Variants in KIF6 observed in about 807,000 individuals in gnomAD.
The protein encoded by KIF6 is kinesin-like protein KIF6.
KIF6 carries 106 observed loss-of-function variants against 112.7 expected under a neutral mutation model. That is an observed-to-expected ratio of 0.94 (90% confidence interval 0.80 to 1.11). The LOEUF is 1.11. KIF6 is among the 50% of genes least tolerant of loss of function. KIF6 has a pLI of 0.00. For missense variants in KIF6, 929 were observed against 964.0 expected, an observed-to-expected ratio of 0.96 and a Z score of 0.48; for synonymous variants, 339 against 339.9, an observed-to-expected ratio of 1.00 and a Z score of 0.03.
At chr6:39,612,514 T>C (rs1783271226) in intron 6 of KIF6, among the ~76,000 whole-genome samples, 1 of 152,208 alleles carries the variant, frequency 6.6e-6, no homozygotes, top group Non-Finnish European at 1.5e-5. Flanking sequence ...TCCTAGCTCC[T>C]ATATAGAATT....
chr6:39,573,321 T>C (rs925176149), intron 10 of KIF6, among the ~76,000 whole-genome samples: 1 of 152,198 alleles, frequency 6.6e-6, no homozygotes, highest in Non-Finnish European at 1.5e-5. Context: ...TGGTGTTAAA[T>C]AGCAGTAGCA....
intron 3 of KIF6, among the ~76,000 whole-genome samples, chr6:39,676,881 T>A (rs990647050): frequency 6.6e-6 from 1 of 151,960 alleles, no homozygotes; most frequent in Non-Finnish European, 1.5e-5. Context: ...AAAGTAAATA[T>A]GATAGAAATG....
intron 3 of KIF6, among the ~76,000 whole-genome samples, chr6:39,665,420 TA>T (rs1432201402): frequency 3.3e-5 from 5 of 152,152 alleles, no homozygotes; most frequent in African/African-American, 4.8e-5. Context: ...AAAAACTGCA[TA>T]CAACAAATGA....
intron 13 of KIF6, among the ~76,000 whole-genome samples, chr6:39,509,240 G>C (rs1461203934): frequency 6.6e-6 from 1 of 152,140 alleles, no homozygotes; most frequent in Non-Finnish European, 1.5e-5. Flanking sequence ...CAACATCAAA[G>C]ACCAAAGGTA....
Position 39,578,081 on chromosome 6 carries a change from C to T in KIF6, c.1156G>A (p.Ala386Thr), listed in dbSNP as rs200447795. The change falls in exon 10 of 23, where the codon GCA (alanine) becomes ACA (threonine). Residue 386 changes from alanine (A) to threonine (T), a missense_variant. This residue lies in a region of KIF6 where 688 missense variants were observed against 662.7 expected (regional missense o/e 1.04). Transcript: ENST00000287152. ...TGAAGGAGCTCTGCTTCTGTGAGTG[C>T]CTCTGTCCTCTGCTCCCCAGTGACC... The part of the protein sequence containing the change: ...AMVTGEQRTE[A>T]LTEAELLQLE... 5.3e-5 allele frequency: 85 copies of T among 1,613,608 alleles called. 1 individual carries two copies. The highest frequency in any genetic ancestry group is 4.9e-4 in the Middle Eastern group (3 of 6,084).
intron 15 of KIF6, among the ~76,000 whole-genome samples, chr6:39,405,299 T>C (rs1769005527): frequency 6.6e-6 from 1 of 152,190 alleles, no homozygotes; most frequent in African/African-American, 2.4e-5. Context: ...CTGCCGATCT[T>C]AGAGAAAAGC....
chr6:39,415,813 A>G (rs1769877814), intron 15 of KIF6, among the ~76,000 whole-genome samples: 2 of 152,240 alleles, frequency 1.3e-5, no homozygotes, highest in Non-Finnish European at 2.9e-5. Context: ...CAGATGTACA[A>G]GAGAAACATT....
chr6:39,695,268 A>G lies in KIF6; in HGVS notation c.251+19424T>C, dbSNP rs570631871. On this transcript the variant is annotated intron_variant, in intron 3 of 22. Transcript: ENST00000287152. ...AGACACTGGCTTAGGCAAGGAATTT[A>G]TAACTTAAGTTCTCAAGAGCAAATG... Among the ~76,000 whole-genome samples, 3 of 152,302 alleles carry G rather than the reference A, an allele frequency of 2.0e-5. No homozygotes were observed. In the East Asian group the frequency reaches 5.8e-4, roughly 29 times the overall value.
At chr6:39,643,117 C>T (rs1308763637) in intron 3 of KIF6, among the ~76,000 whole-genome samples, 5 of 152,132 alleles carry the variant, frequency 3.3e-5, no homozygotes, top group African/African-American at 1.2e-4. Context: ...ATAGAAGTCT[C>T]TATTTGCACA....
At chr6:39,637,901 G>C (rs1474366043) in intron 4 of KIF6, among the ~76,000 whole-genome samples, 1 of 151,944 alleles carries the variant, frequency 6.6e-6, no homozygotes, top group Non-Finnish European at 1.5e-5. Context: ...TGGAGTTTAC[G>C]GTAATGTCAA....
At chr6:39,489,769 T>A (rs1303687443) in intron 13 of KIF6, among the ~76,000 whole-genome samples, 1 of 152,190 alleles carries the variant, frequency 6.6e-6, no homozygotes, top group African/African-American at 2.4e-5. Flanking sequence ...GATACAAACC[T>A]ACAGGCTCAA....
At chr6:39,630,016 G>T (rs115660400) in intron 5 of KIF6, among the ~76,000 whole-genome samples, 1 of 152,002 alleles carries the variant, frequency 6.6e-6, no homozygotes, top group Non-Finnish European at 1.5e-5. Flanking sequence ...GTCTATTTCT[G>T]GGCTCCCTAT....
chr6:39,440,681 G>A (rs1771863459), intron 13 of KIF6, among the ~76,000 whole-genome samples: 1 of 152,138 alleles, frequency 6.6e-6, no homozygotes, highest in Non-Finnish European at 1.5e-5. Flanking sequence ...AGAATGAACG[G>A]GTTGATGGGA....
chr6:39,359,083 G>A (rs1467465566), intron 18 of KIF6, among the ~76,000 whole-genome samples: 1 of 152,102 alleles, frequency 6.6e-6, no homozygotes, highest in South Asian at 2.1e-4. Flanking sequence ...TTGTCCTGCC[G>A]CGTGGCCACT....
chr6:39,628,941 T>C (rs373035728), intron 5 of KIF6, among the ~76,000 whole-genome samples: 1 of 152,184 alleles, frequency 6.6e-6, no homozygotes, highest in African/African-American at 2.4e-5. Flanking sequence ...ATGTAGACTT[T>C]CATGCTAACT....
chr6:39,412,140 A>G (rs551341335), intron 15 of KIF6, among the ~76,000 whole-genome samples: 9 of 152,290 alleles, frequency 5.9e-5, no homozygotes, highest in Admixed American at 1.3e-4. Context: ...TTAGTGTTCA[A>G]TCTTGCTAGT....
At chr6:39,459,988 T>G (rs1044864565) in intron 13 of KIF6, among the ~76,000 whole-genome samples, 2 of 135,656 alleles carry the variant, frequency 1.5e-5, no homozygotes, top group African/African-American at 5.6e-5. Flanking sequence ...GATCTAGAAC[T>G]AGAAATACCA....
chr6:39,408,079 A>T (rs1285769722), intron 15 of KIF6, among the ~76,000 whole-genome samples: 1 of 152,232 alleles, frequency 6.6e-6, no homozygotes, highest in Non-Finnish European at 1.5e-5. Flanking sequence ...AGAAAGAGAA[A>T]TTCAACTAAC....
At chr6:39,483,645 C>CCT (rs1774944414) in intron 13 of KIF6, among the ~76,000 whole-genome samples, 2 of 152,046 alleles carry the variant, frequency 1.3e-5, no homozygotes, top group South Asian at 4.2e-4. Context: ...AAAGTTTGAC[C>CCT]CTAACAGTAA....
Sources: allele counts gnomAD v4.1 joint callset (sites outside exome capture counted in the v4.1 genomes callset), GRCh38; gene constraint gnomAD v4.1.1; regional missense constraint gnomAD v4.1.1; transcripts MANE v1.5; gene names NCBI Gene and HGNC (gene_info 2026-07-23, HGNC 2026-07-21).